The following SMYD3 variants were observed in gnomAD, a reference collection of about 807,000 sequenced individuals.
SMYD3 encodes the protein SET and MYND domain containing 3, also known as histone-lysine N-methyltransferase SMYD3.
SMYD3 carries 36 observed loss-of-function variants against 57.7 expected under a neutral mutation model. The observed-to-expected ratio is 0.62, with a 90% CI of 0.48 to 0.82. SMYD3 has a LOEUF of 0.82. Ranked by LOEUF, SMYD3 falls within the 40% of genes least tolerant of loss-of-function variation. The pLI, the probability that SMYD3 is intolerant of heterozygous loss-of-function variation, is 0.00. For missense variants in SMYD3, 515 were observed against 538.8 expected, an observed-to-expected ratio of 0.96 and a Z score of 0.44; for synonymous variants, 211 against 195.0, an observed-to-expected ratio of 1.08 and a Z score of -0.68.
chr1:246,136,241 T>C (rs1200827056), intron 5 of SMYD3, among the ~76,000 whole-genome samples: 1 of 152,196 alleles, frequency 6.6e-6, no homozygotes, highest in Non-Finnish European at 1.5e-5. Flanking sequence ...TTGTGGTTAT[T>C]ATCCTACAAT....
chr1:246,281,691 T>A (rs951163381), intron 5 of SMYD3, among the ~76,000 whole-genome samples: 1 of 152,142 alleles, frequency 6.6e-6, no homozygotes, highest in Non-Finnish European at 1.5e-5. Flanking sequence ...ATGTAGCTAC[T>A]AAATACATAC....
intron 10 of SMYD3, among the ~76,000 whole-genome samples, chr1:245,821,178 G>T (rs1300911130): frequency 6.7e-6 from 1 of 149,918 alleles, no homozygotes; most frequent in African/African-American, 2.4e-5. Context: ...AAAACAGCAT[G>T]GTACTGGTAC....
At chr1:246,412,643 G>A (rs900913411) in intron 1 of SMYD3, among the ~76,000 whole-genome samples, 7 of 151,870 alleles carry the variant, frequency 4.6e-5, no homozygotes, top group Non-Finnish European at 8.8e-5. Context: ...CGGATCATGA[G>A]GTCAGGAGTT....
chr1:246,033,826 T>A (rs564003354), intron 5 of SMYD3, among the ~76,000 whole-genome samples: 1 of 152,134 alleles, frequency 6.6e-6, no homozygotes, highest in East Asian at 1.9e-4. Context: ...AATTAAAAAT[T>A]TTTTTAAATG....
At chr1:246,005,728 G>T (rs2059157057) in intron 5 of SMYD3, among the ~76,000 whole-genome samples, 1 of 152,190 alleles carries the variant, frequency 6.6e-6, no homozygotes, top group Non-Finnish European at 1.5e-5. Flanking sequence ...CTCACAAACA[G>T]AGAATCCTAT....
chr1:245,985,369 T>C (rs1190718754), intron 5 of SMYD3, among the ~76,000 whole-genome samples: 2 of 152,220 alleles, frequency 1.3e-5, no homozygotes, highest in Non-Finnish European at 2.9e-5. Context: ...ATTTGTCCAA[T>C]AGGCATCTCA....
At chr1:246,204,308 C>T (rs754799023) in intron 5 of SMYD3, among the ~76,000 whole-genome samples, 6 of 152,136 alleles carry the variant, frequency 3.9e-5, no homozygotes, top group Non-Finnish European at 7.3e-5. Context: ...CTTCTTTGTA[C>T]CAATTCCTTT....
intron 1 of SMYD3, among the ~76,000 whole-genome samples, chr1:246,398,317 G>T (rs1165607093): frequency 6.6e-6 from 1 of 152,230 alleles, no homozygotes; most frequent in South Asian, 2.1e-4. Flanking sequence ...AAGGTTAAAC[G>T]ACACACTCAA....
chr1:246,319,839 G>T (rs1337397212), intron 5 of SMYD3, among the ~76,000 whole-genome samples: 1 of 152,038 alleles, frequency 6.6e-6, no homozygotes, highest in African/African-American at 2.4e-5. Flanking sequence ...TTTTTATTGA[G>T]GTACACTGTT....
chr1:246,459,408 C>T (rs536330016), intron 1 of SMYD3, among the ~76,000 whole-genome samples: 5 of 152,240 alleles, frequency 3.3e-5, no homozygotes, highest in African/African-American at 4.8e-5. Flanking sequence ...ACAGAGTTCT[C>T]GCGAGATCTT....
chr1:246,094,157 G>C (rs1227029007), intron 5 of SMYD3, among the ~76,000 whole-genome samples: 1 of 152,152 alleles, frequency 6.6e-6, no homozygotes, highest in African/African-American at 2.4e-5. Flanking sequence ...CCAAGATGAT[G>C]CAGTGTTTGT....
At chr1:246,430,629 G>C (rs1333335875) in intron 1 of SMYD3, among the ~76,000 whole-genome samples, 6 of 152,180 alleles carry the variant, frequency 3.9e-5, no homozygotes. Flanking sequence ...GGGACATCTA[G>C]GGAGTTTTCA....
At chr1:246,451,665 C>T (rs1008210767) in intron 1 of SMYD3, among the ~76,000 whole-genome samples, 2 of 152,204 alleles carry the variant, frequency 1.3e-5, no homozygotes, top group African/African-American at 4.8e-5. Flanking sequence ...AGAAGGTGAT[C>T]GGTTGCAACA....
intron 1 of SMYD3, among the ~76,000 whole-genome samples, chr1:246,483,170 A>G (rs2068134303): frequency 6.6e-6 from 1 of 152,214 alleles, no homozygotes; most frequent in African/African-American, 2.4e-5. Context: ...TTAAAGGTAA[A>G]GGATGACTTC....
intron 5 of SMYD3, among the ~76,000 whole-genome samples, chr1:246,145,679 T>A (rs1306899982): frequency 6.6e-6 from 1 of 152,188 alleles, no homozygotes; most frequent in East Asian, 1.9e-4. Flanking sequence ...GCCTCTTAAA[T>A]TGACTTTCCG....
At chr1:246,489,117 C>T (rs1353386316) in intron 1 of SMYD3, among the ~76,000 whole-genome samples, 1 of 152,074 alleles carries the variant, frequency 6.6e-6, no homozygotes, top group African/African-American at 2.4e-5. Context: ...GAGGCCGAGG[C>T]GGGCGGATCA....
intron 5 of SMYD3, among the ~76,000 whole-genome samples, chr1:245,983,087 T>C (rs540707432): frequency 6.6e-6 from 1 of 152,250 alleles, no homozygotes; most frequent in East Asian, 1.9e-4. Context: ...ACGTGATCTT[T>C]CCCCCCATGC....
chr1:246,033,222 A>G (rs1257559117), intron 5 of SMYD3, among the ~76,000 whole-genome samples: 1 of 152,230 alleles, frequency 6.6e-6, no homozygotes, highest in Non-Finnish European at 1.5e-5. Flanking sequence ...GTAATAAAAA[A>G]AAAACTAGGG....
intron 5 of SMYD3, among the ~76,000 whole-genome samples, chr1:246,007,434 C>A (rs1182283097): frequency 6.6e-6 from 1 of 152,052 alleles, no homozygotes; most frequent in African/African-American, 2.4e-5. Context: ...AAATGAGATT[C>A]ATTCACCTGG....
Sources: allele counts gnomAD v4.1 joint callset (sites outside exome capture counted in the v4.1 genomes callset), GRCh38; gene constraint gnomAD v4.1.1; transcripts MANE v1.5; gene names NCBI Gene and HGNC (gene_info 2026-07-23, HGNC 2026-07-21).